The following RXRA variants were observed in gnomAD, a reference collection of about 807,000 sequenced individuals.
The protein encoded by RXRA is retinoid X receptor alpha.
RXRA carries 5 observed loss-of-function variants against 44.5 expected under a neutral mutation model. The ratio of observed to expected loss-of-function variants is 0.11; its 90% CI spans 0.06 to 0.24. RXRA has a LOEUF of 0.24. RXRA is among the 10% of genes least tolerant of loss of function. The probability of loss-of-function intolerance (pLI) is 1.00; values close to 1 mark genes in which losing one functional copy is unlikely to be tolerated. For missense variants in RXRA, 412 were observed against 646.5 expected (o/e 0.64, Z 3.93); for synonymous variants, 291 against 271.4 (o/e 1.07, Z -0.71).
At chr9:134,394,035 T>C (rs1830837732) in intron 1 of RXRA, among the ~76,000 whole-genome samples, 1 of 137,840 alleles carries the variant, frequency 7.3e-6, no homozygotes, top group Non-Finnish European at 1.6e-5. Context: ...TCAACCTCTC[T>C]GTCTAGGCTT....
chr9:134,330,708 T>C (rs1373438017), intron 1 of RXRA, among the ~76,000 whole-genome samples: 1 of 152,264 alleles, frequency 6.6e-6, no homozygotes, highest in Non-Finnish European at 1.5e-5. Flanking sequence ...GAAGAGGTTC[T>C]GACAGGTGGT....
At chr9:134,409,298 G>A (rs1357120056) in intron 4 of RXRA, among the ~76,000 whole-genome samples, 179 bp downstream of exon 4, 1 of 152,248 alleles carries the variant, frequency 6.6e-6, no homozygotes, top group African/African-American at 2.4e-5. Context: ...GGCCCAGAGC[G>A]TGGGCACACA....
rs1215009384 is a variant in RXRA at position 134,421,665 on chromosome 9, C to T, written c.781-11C>T. 4 of 1,556,174 alleles carry T rather than the reference C, an allele frequency of 2.6e-6. No individual in the cohort carries two copies. The highest frequency in any genetic ancestry group is 2.5e-5 in the South Asian group (2 of 81,614). On this transcript the variant is annotated splice_polypyrimidine_tract_variant and intron_variant, in intron 5 of 9. Coordinates refer to ENST00000481739, the MANE Select transcript of RXRA (RefSeq NM_002957.6). ...GGGACTGAATGTCCTGCTCTTCTTC[C>T]TCCACTGCAGCCGAACGACCCTGTC...
chr9:134,367,080 G>C (rs1015256919), intron 1 of RXRA, among the ~76,000 whole-genome samples: 5 of 152,186 alleles, frequency 3.3e-5, no homozygotes, highest in African/African-American at 1.2e-4. Context: ...AAGGCGTGCA[G>C]TTCAGTGGGT....
chr9:134,408,374 A>T (rs544406512), intron 3 of RXRA, 75 bp downstream of exon 3: 2 of 1,454,534 alleles, frequency 1.4e-6, no homozygotes, highest in African/African-American at 2.9e-5. Context: ...GGCCTCCCCA[A>T]ATCACCCTCC....
chr9:134,332,623 A>G (rs1025161863), intron 1 of RXRA, among the ~76,000 whole-genome samples: 1 of 151,980 alleles, frequency 6.6e-6, no homozygotes, highest in African/African-American at 2.4e-5. Flanking sequence ...GGCTGGAACC[A>G]GGAGGGGGTT....
intron 1 of RXRA, among the ~76,000 whole-genome samples, chr9:134,347,845 G>C (rs528370563): frequency 6.6e-6 from 1 of 152,298 alleles, no homozygotes; most frequent in African/African-American, 2.4e-5. Flanking sequence ...AGCCAGGCAG[G>C]ACATGGCCAG....
Position 134,417,140 on chromosome 9 carries a change from G to T in RXRA, c.611-18G>T. 1.2e-6 allele frequency: 2 copies of T among 1,604,556 alleles called. No homozygotes were observed. The highest frequency in any genetic ancestry group is 1.7e-6 in the Non-Finnish European group (2 of 1,177,254). ...GCCGGGCTGAGCGTGGGGCTCACCTGCGCCTCCCGGGTTGTAGCCGTGCAG... is the reference window on the plus strand; with the variant it reads ...GCCGGGCTGAGCGTGGGGCTCACCTTCGCCTCCCGGGTTGTAGCCGTGCAG... On this transcript the variant is annotated intron_variant, in intron 4 of 9. Transcript: ENST00000481739. This position sits in a 1 kb window ranked among gnomAD's most constrained non-coding sequence, Gnocchi z 6.1.
At chr9:134,379,820 A>G (rs1482991468) in intron 1 of RXRA, 1 of 984,814 alleles carries the variant, frequency 1.0e-6, no homozygotes. Context: ...CCCAGCTCCA[A>G]CCCTGGGGCC....
At chr9:134,431,559 G>A (rs1831532254) in intron 7 of RXRA, among the ~76,000 whole-genome samples, 1 of 152,212 alleles carries the variant, frequency 6.6e-6, no homozygotes, top group African/African-American at 2.4e-5. Context: ...CGGGAGGGGT[G>A]GACTCTGTGC....
At position 134,426,696 on chromosome 9, in the gene RXRA, G is replaced by A. The variant is rs949435244; in HGVS notation, c.911-2412G>A. 1.0e-6 allele frequency: 1 copy of A among 985,304 alleles called. No homozygotes were observed. Among genetic ancestry groups the A allele is most frequent in the Admixed American group, 6.1e-5 (1 of 16,262 alleles). The allele number at this position is 985,304 out of a possible 1,614,324, so 61.0% of individuals were successfully genotyped here. On this transcript the variant is annotated intron_variant, in intron 6 of 9. Transcript: ENST00000481739. This position sits in a 1 kb window ranked among gnomAD's most constrained non-coding sequence, Gnocchi z 4.6. ...CTGCTGGGTGGCCTCAGGGGCTCTC[G>A]GGGCAGTGGGAGGGGAGGTGGCCAC...
chr9:134,357,199 C>T (rs946822989), intron 1 of RXRA, among the ~76,000 whole-genome samples: 6 of 152,178 alleles, frequency 3.9e-5, no homozygotes, highest in Admixed American at 6.5e-5. Context: ...GGCACTGAGG[C>T]GTCTAGGGCG....
At chr9:134,383,655 TG>T (rs1267608573) in intron 1 of RXRA, among the ~76,000 whole-genome samples, 2 of 152,154 alleles carry the variant, frequency 1.3e-5, no homozygotes, top group African/African-American at 4.8e-5. Context: ...GGCGAGGATC[TG>T]GGGGTCACAG....
intron 1 of RXRA, among the ~76,000 whole-genome samples, chr9:134,327,753 A>G (rs1245375738): frequency 1.3e-5 from 2 of 152,118 alleles, no homozygotes; most frequent in African/African-American, 2.4e-5. Flanking sequence ...GGGAGCCAGC[A>G]TGGACCTAGC....
At chr9:134,411,718 C>A (rs1296599897) in intron 4 of RXRA, among the ~76,000 whole-genome samples, 4 of 152,228 alleles carry the variant, frequency 2.6e-5, no homozygotes, top group Non-Finnish European at 5.9e-5. Flanking sequence ...CGCTCTCGCC[C>A]CAAACACAGC....
intron 8 of RXRA, among the ~76,000 whole-genome samples, chr9:134,432,642 G>A (rs1183784070): frequency 2.0e-5 from 3 of 152,270 alleles, no homozygotes; most frequent in Non-Finnish European, 2.9e-5. Context: ...GCTGGCATGG[G>A]AGGGCCCCTT....
At chr9:134,384,015 C>G (rs1379404219) in intron 1 of RXRA, among the ~76,000 whole-genome samples, 3 of 152,156 alleles carry the variant, frequency 2.0e-5, no homozygotes, top group Non-Finnish European at 4.4e-5. Context: ...CAGACCCCAG[C>G]TCAACAAAAG....
At chr9:134,418,307 G>A in intron 5 of RXRA, among the ~76,000 whole-genome samples, 1 of 152,134 alleles carries the variant, frequency 6.6e-6, no homozygotes, top group East Asian at 1.9e-4. Context: ...TCCTGCTGCT[G>A]GGGACCTGGG....
Position 134,352,070 on chromosome 9 carries a change from C to T in RXRA, c.28+25411C>T, listed in dbSNP as rs570710843. ...GGGGCAGCCCGGGGAGGGAGCGAGG[C>T]TGCACAGGCTGCGGGAGTCAGAGGC... On this transcript the variant is annotated intron_variant, in intron 1 of 9. Coordinates refer to ENST00000481739, the MANE Select transcript of RXRA (RefSeq NM_002957.6). 4.6e-5 allele frequency among the ~76,000 whole-genome samples: 7 copies of T among 152,300 alleles called. No individual in the cohort carries two copies. The East Asian group carries it at 1.2e-3, about 25-fold the overall frequency.
Sources: allele counts gnomAD v4.1 joint callset (sites outside exome capture counted in the v4.1 genomes callset), GRCh38; gene constraint gnomAD v4.1.1; non-coding constraint Gnocchi (gnomAD v3.1); transcripts MANE v1.5; gene names NCBI Gene and HGNC (gene_info 2026-07-23, HGNC 2026-07-21).